Variants in SLC25A21 observed in about 807,000 individuals in gnomAD.
SLC25A21 encodes the protein mitochondrial 2-oxodicarboxylate carrier.
SLC25A21 carries 47 observed loss-of-function variants against 43.8 expected under a neutral mutation model. That is an observed-to-expected ratio of 1.07 (90% CI 0.85 to 1.37). The LOEUF (loss-of-function observed/expected upper bound fraction) is 1.37, where lower values mean the gene tolerates loss of function less well. Ranked by LOEUF, SLC25A21 falls within the 40% of genes most tolerant of loss-of-function variation. SLC25A21 has a pLI of 0.00. For synonymous variants in SLC25A21, 131 were observed against 121.3 expected, an observed-to-expected ratio of 1.08 and a Z score of -0.52; for missense variants, 352 against 350.2, an observed-to-expected ratio of 1.00 and a Z score of -0.04.
At chr14:36,708,206 T>C (rs540502371) in intron 7 of SLC25A21, among the ~76,000 whole-genome samples, 1 of 152,370 alleles carries the variant, frequency 6.6e-6, no homozygotes, top group African/African-American at 2.4e-5. Flanking sequence ...TCACAGGTTC[T>C]CAGCTTGGTA....
At chr14:36,908,877 A>T (rs1891604326) in intron 1 of SLC25A21, among the ~76,000 whole-genome samples, 2 of 152,120 alleles carry the variant, frequency 1.3e-5, no homozygotes, top group African/African-American at 4.8e-5. Context: ...AAAAATGAAG[A>T]AGGTAACTAG....
intron 3 of SLC25A21, among the ~76,000 whole-genome samples, chr14:36,747,917 G>A (rs1380473463): frequency 6.6e-6 from 1 of 152,138 alleles, no homozygotes; most frequent in Non-Finnish European, 1.5e-5. Context: ...GGAAAAGTGT[G>A]GTGACCGTTT....
chr14:36,923,831 A>C (rs1892050042), intron 1 of SLC25A21, among the ~76,000 whole-genome samples: 1 of 152,240 alleles, frequency 6.6e-6, no homozygotes, highest in Admixed American at 6.5e-5. Flanking sequence ...ACAAATTTAC[A>C]AGAAAAAAAC....
At chr14:37,011,793 T>G (rs2138740072) in intron 1 of SLC25A21, among the ~76,000 whole-genome samples, 1 of 152,318 alleles carries the variant, frequency 6.6e-6, no homozygotes. Context: ...TTGCTGAAAT[T>G]TTCTAACTTG....
intron 3 of SLC25A21, among the ~76,000 whole-genome samples, chr14:36,799,211 A>C (rs1254001967): frequency 6.6e-6 from 1 of 152,206 alleles, no homozygotes; most frequent in African/African-American, 2.4e-5. Flanking sequence ...AAGATTAAAC[A>C]TTTAAGACAG....
intron 3 of SLC25A21, among the ~76,000 whole-genome samples, chr14:36,777,676 G>A (rs1347408245): frequency 2.0e-5 from 3 of 152,184 alleles, no homozygotes; most frequent in African/African-American, 4.8e-5. Context: ...AGGGGCATGG[G>A]ATGGTTTCTC....
chr14:37,156,626 C>G (rs1963855284), intron 1 of SLC25A21, among the ~76,000 whole-genome samples: 2 of 151,202 alleles, frequency 1.3e-5, no homozygotes, highest in African/African-American at 4.9e-5. Context: ...GCAGGAGTAG[C>G]TACAATTATA....
At chr14:36,874,850 A>C in intron 2 of SLC25A21, 106 bp downstream of exon 2, 1 of 804,882 alleles carries the variant, frequency 1.2e-6, no homozygotes, top group Non-Finnish European at 2.0e-6. Context: ...CTGCCATTAC[A>C]GAGAGAAGCT....
At chr14:36,876,573 T>C (rs1415329123) in intron 1 of SLC25A21, among the ~76,000 whole-genome samples, 3 of 143,792 alleles carry the variant, frequency 2.1e-5, no homozygotes, top group African/African-American at 5.0e-5. Context: ...CAAGGTAGCA[T>C]GAGCAGAAAT....
At chr14:37,075,808 TATGTCGTTG>T (rs1330763573) in intron 1 of SLC25A21, among the ~76,000 whole-genome samples, 1 of 152,246 alleles carries the variant, frequency 6.6e-6, no homozygotes, top group Non-Finnish European at 1.5e-5. Context: ...GATGATGGTT[TATGTCGTTG>T]ATATGAACTG....
chr14:37,069,511 G>A (rs1022537073), intron 1 of SLC25A21, among the ~76,000 whole-genome samples: 3 of 152,178 alleles, frequency 2.0e-5, no homozygotes, highest in African/African-American at 7.2e-5. Flanking sequence ...CATCAGAGAA[G>A]ATAAAAGGTG....
intron 1 of SLC25A21, among the ~76,000 whole-genome samples, chr14:36,957,263 A>G (rs1959365055): frequency 6.6e-6 from 1 of 152,202 alleles, no homozygotes; most frequent in Non-Finnish European, 1.5e-5. Context: ...AGGAAGGGGC[A>G]ATGCAAACCC....
chr14:36,739,658 C>T (rs977345257), intron 3 of SLC25A21, among the ~76,000 whole-genome samples: 1 of 138,942 alleles, frequency 7.2e-6, no homozygotes, highest in Non-Finnish European at 1.5e-5. Flanking sequence ...AGCCTGGCAA[C>T]AGAGCAAGAC....
intron 1 of SLC25A21, among the ~76,000 whole-genome samples, chr14:36,918,894 C>A (rs1722281855): frequency 1.3e-5 from 2 of 152,004 alleles, no homozygotes. Context: ...ATAAATTTTT[C>A]TTTCTCTCTC....
intron 1 of SLC25A21, among the ~76,000 whole-genome samples, chr14:37,094,786 C>T (rs1962654357): frequency 6.6e-6 from 1 of 150,866 alleles, no homozygotes; most frequent in African/African-American, 2.4e-5. Flanking sequence ...TAGCAGCTGG[C>T]TGAATAAACT....
At chr14:36,684,517 C>T (rs1882441109) in intron 8 of SLC25A21, among the ~76,000 whole-genome samples, 1 of 152,186 alleles carries the variant, frequency 6.6e-6, no homozygotes, top group Non-Finnish European at 1.5e-5. Context: ...TTCACCTTGG[C>T]ATTCTAAGGC....
intron 1 of SLC25A21, among the ~76,000 whole-genome samples, chr14:36,988,347 G>A (rs1159514343): frequency 6.6e-6 from 1 of 152,144 alleles, no homozygotes; most frequent in Non-Finnish European, 1.5e-5. Flanking sequence ...CAGGGTACGT[G>A]TCTTCAACAG....
chr14:37,080,668 C>A (rs922962317), intron 1 of SLC25A21, among the ~76,000 whole-genome samples: 2 of 152,116 alleles, frequency 1.3e-5, no homozygotes, highest in Non-Finnish European at 2.9e-5. Context: ...ACTAATTGAA[C>A]AAATGAATGA....
intron 7 of SLC25A21, among the ~76,000 whole-genome samples, chr14:36,692,780 G>C (rs944836995): frequency 6.6e-6 from 1 of 152,178 alleles, no homozygotes; most frequent in Non-Finnish European, 1.5e-5. Flanking sequence ...GACAGCAATA[G>C]GGCTTTTCAT....
Sources: gnomAD v4.1 joint callset for allele counts (sites outside exome capture counted in the v4.1 genomes callset) on GRCh38, gnomAD v4.1.1 for gene constraint, MANE v1.5 for transcripts, NCBI Gene and HGNC (gene_info 2026-07-23, HGNC 2026-07-21) for gene names.